The following REC114 variants were observed in gnomAD, a reference collection of about 807,000 sequenced individuals.
The protein encoded by REC114 is REC114 meiotic recombination protein.
In REC114, 27 loss-of-function variants were observed where a neutral mutation model predicts 31.3. The observed-to-expected ratio is 0.86, with a 90% CI of 0.64 to 1.19. REC114 has a LOEUF of 1.19. REC114 is among the 50% of genes most tolerant of loss of function. The probability of loss-of-function intolerance (pLI) is 0.00; values close to 1 mark genes in which losing one functional copy is unlikely to be tolerated. For missense variants in REC114, 344 were observed against 326.9 expected (o/e 1.05, Z -0.40); for synonymous variants, 134 against 127.7 (o/e 1.05, Z -0.33).
At chr15:73,495,930 T>G (rs1893515902) in intron 2 of REC114, among the ~76,000 whole-genome samples, 1 of 152,224 alleles carries the variant, frequency 6.6e-6, no homozygotes, top group Non-Finnish European at 1.5e-5. Flanking sequence ...AATCCTTCAG[T>G]GGACCTTATT....
chr15:73,452,620 T>C (rs574193478), intron 1 of REC114, among the ~76,000 whole-genome samples: 2 of 152,252 alleles, frequency 1.3e-5, no homozygotes, highest in South Asian at 2.1e-4. Flanking sequence ...CTTCACAGAA[T>C]TGGAAAAAAC....
At chr15:73,494,543 C>G (rs1567870858) in intron 2 of REC114, among the ~76,000 whole-genome samples, 1 of 151,632 alleles carries the variant, frequency 6.6e-6, no homozygotes, top group Non-Finnish European at 1.5e-5. Context: ...AGTCTAAAAC[C>G]CTTTAAATTA....
intron 1 of REC114, among the ~76,000 whole-genome samples, chr15:73,468,469 T>A (rs945199971): frequency 2.0e-5 from 3 of 152,174 alleles, no homozygotes; most frequent in Non-Finnish European, 4.4e-5. Context: ...TCTAGTAAAA[T>A]CAACTGGATT....
At chr15:73,469,680 C>CTT (rs767748185) in intron 1 of REC114, among the ~76,000 whole-genome samples, 1,449 of 118,862 alleles carry the variant, frequency 0.012, 28 homozygotes, top group African/African-American at 0.038. Context: ...GCCTTAGACT[C>CTT]TTTTTTTTTT....
chr15:73,555,986 C>T (rs559723599), intron 4 of REC114, among the ~76,000 whole-genome samples: 2 of 152,246 alleles, frequency 1.3e-5, no homozygotes, highest in Admixed American at 6.5e-5. Context: ...AGCACCTGGT[C>T]CTGAATCCTA....
intron 3 of REC114, among the ~76,000 whole-genome samples, chr15:73,548,612 G>A (rs563031260): frequency 1.3e-5 from 2 of 152,114 alleles, no homozygotes; most frequent in African/African-American, 4.8e-5. Flanking sequence ...GTGTAAATTA[G>A]GTCAGCCATT....
intron 1 of REC114, among the ~76,000 whole-genome samples, chr15:73,453,590 ACCATTTGACCCAGCAATC>A (rs1892880356): frequency 6.6e-6 from 1 of 152,158 alleles, no homozygotes; most frequent in South Asian, 2.1e-4. Flanking sequence ...AACTAGAAAT[ACCATTTGACCCAGCAATC>A]CCATTGCTGG....
intron 2 of REC114, among the ~76,000 whole-genome samples, chr15:73,514,618 G>A (rs934441382): frequency 2.0e-5 from 3 of 152,000 alleles, no homozygotes; most frequent in Non-Finnish European, 4.4e-5. Context: ...TTCATAATGG[G>A]CAACATTAAA....
chr15:73,537,181 T>A (rs186346269), intron 2 of REC114, among the ~76,000 whole-genome samples: 29 of 152,264 alleles, frequency 1.9e-4, no homozygotes, highest in African/African-American at 7.0e-4. Context: ...AGGAAATCAC[T>A]ACAAACACAC....
intron 2 of REC114, among the ~76,000 whole-genome samples, chr15:73,535,252 AGAC>A (rs1894139169): frequency 6.6e-6 from 1 of 150,862 alleles, no homozygotes; most frequent in African/African-American, 2.5e-5. Context: ...CCCTGTTTGC[AGAC>A]GACGTGATTG....
intron 5 of REC114, among the ~76,000 whole-genome samples, chr15:73,557,444 G>C (rs1478154059): frequency 1.3e-5 from 2 of 150,550 alleles, no homozygotes; most frequent in Non-Finnish European, 3.0e-5. Flanking sequence ...GAAAAAAAGG[G>C]TTTTCTCCAT....
At chr15:73,484,104 C>T (rs1228871782) in intron 2 of REC114, among the ~76,000 whole-genome samples, 1 of 152,014 alleles carries the variant, frequency 6.6e-6, no homozygotes, top group Non-Finnish European at 1.5e-5. Flanking sequence ...AATGATAATT[C>T]CCCTTTACAC....
intron 2 of REC114, among the ~76,000 whole-genome samples, chr15:73,487,936 C>T (rs1893394279): frequency 6.6e-6 from 1 of 152,204 alleles, no homozygotes; most frequent in Admixed American, 6.5e-5. Context: ...GGTAGCCATG[C>T]CTCCACAGCT....
chr15:73,491,752 TA>T (rs1457061305), intron 2 of REC114, among the ~76,000 whole-genome samples: 1 of 151,970 alleles, frequency 6.6e-6, no homozygotes, highest in Non-Finnish European at 1.5e-5. Context: ...ATTTAAAAAT[TA>T]GCCAGGCCCG....
chr15:73,471,953 T>G (rs1204685271), intron 1 of REC114, among the ~76,000 whole-genome samples: 3 of 152,294 alleles, frequency 2.0e-5, no homozygotes, highest in Non-Finnish European at 4.4e-5. Context: ...GGAGATTATT[T>G]TAAGGGAAAA....
chr15:73,509,604 G>A (rs1893733894), intron 2 of REC114, among the ~76,000 whole-genome samples: 1 of 142,864 alleles, frequency 7.0e-6, no homozygotes, highest in African/African-American at 2.6e-5. Context: ...AATCCATCTT[G>A]AATTGATTTT....
intron 2 of REC114, among the ~76,000 whole-genome samples, chr15:73,474,971 C>T (rs1893191210): frequency 6.6e-6 from 1 of 152,098 alleles, no homozygotes. Context: ...TACTATTTTG[C>T]TTTATCTGCT....
chr15:73,549,681 A>G (rs1283850874), intron 3 of REC114, among the ~76,000 whole-genome samples: 1 of 152,062 alleles, frequency 6.6e-6, no homozygotes, highest in African/African-American at 2.4e-5. Flanking sequence ...ACAGATATAT[A>G]TGACTCTTCA....
chr15:73,482,172 A>G (rs192987868), intron 2 of REC114, among the ~76,000 whole-genome samples: 3 of 152,246 alleles, frequency 2.0e-5, no homozygotes, highest in Non-Finnish European at 2.9e-5. Flanking sequence ...GGTACCTCAT[A>G]TAATGGTGAT....
Sources: allele counts gnomAD v4.1 joint callset (sites outside exome capture counted in the v4.1 genomes callset), GRCh38; gene constraint gnomAD v4.1.1; transcripts MANE v1.5; gene names NCBI Gene and HGNC (gene_info 2026-07-23, HGNC 2026-07-21).